CCDC57: variants seen among roughly 807,000 people sequenced by gnomAD.
The protein encoded by CCDC57 is coiled-coil domain containing 57, also known as coiled-coil domain-containing protein 57.
Under a neutral mutation model 118.9 loss-of-function variants are expected in CCDC57, and 118 were observed. The observed-to-expected ratio is 0.99, with a 90% CI of 0.86 to 1.16. The LOEUF is 1.16. CCDC57 is among the 50% of genes most tolerant of loss of function. The probability of loss-of-function intolerance (pLI) is 0.00; values close to 1 mark genes in which losing one functional copy is unlikely to be tolerated. For missense variants in CCDC57, 1,300 were observed against 1,320.7 expected (o/e 0.98, Z 0.24); for synonymous variants, 527 against 532.9 (o/e 0.99, Z 0.15).
chr17:82,116,782 C>T (rs577527660), intron 19 of CCDC57, among the ~76,000 whole-genome samples: 4 of 152,164 alleles, frequency 2.6e-5, no homozygotes, highest in Non-Finnish European at 5.9e-5. Context: ...AACAAATACT[C>T]GAGGAAAACA....
chr17:82,126,957 A>C, intron 19 of CCDC57: 1 of 985,296 alleles, frequency 1.0e-6, no homozygotes, highest in Non-Finnish European at 1.2e-6. Flanking sequence ...CCCCAACCAC[A>C]TCACACGTCC....
chr17:82,195,746 A>C (rs1454856551), intron 4 of CCDC57, among the ~76,000 whole-genome samples: 1 of 152,214 alleles, frequency 6.6e-6, no homozygotes, highest in African/African-American at 2.4e-5. Flanking sequence ...TGAAACTGAC[A>C]AGCACGTAAG....
chr17:82,135,418 A>C (rs1390816869), intron 16 of CCDC57: 1 of 147,184 alleles, frequency 6.8e-6, no homozygotes, highest in Non-Finnish European at 1.5e-5. Context: ...AAAAATTTTA[A>C]AGCTTTTTTA....
intron 19 of CCDC57, among the ~76,000 whole-genome samples, chr17:82,116,690 G>A (rs1314213853): frequency 1.3e-5 from 2 of 152,228 alleles, no homozygotes; most frequent in Non-Finnish European, 2.9e-5. Context: ...ACAATGGGAT[G>A]GTAGTAGCTG....
chr17:82,111,526 G>A (rs1343830839), intron 19 of CCDC57, among the ~76,000 whole-genome samples: 1 of 151,942 alleles, frequency 6.6e-6, no homozygotes, highest in African/African-American at 2.4e-5. Flanking sequence ...CCACAGACAT[G>A]TGCCACCACA....
At chr17:82,189,572 G>A (rs1439705561) in intron 7 of CCDC57, among the ~76,000 whole-genome samples, 3 of 151,908 alleles carry the variant, frequency 2.0e-5, no homozygotes, top group Admixed American at 6.6e-5. Flanking sequence ...ATTCCTGGCT[G>A]GGCGCAGTGG....
At chr17:82,186,040 G>T (rs1262511084) in intron 8 of CCDC57, among the ~76,000 whole-genome samples, 4 of 151,774 alleles carry the variant, frequency 2.6e-5, no homozygotes, top group South Asian at 4.2e-4. Context: ...TTGTTTCGTT[G>T]CCCAGGCTCA....
chr17:82,194,093 G>T (rs752184456), exon 6 of CCDC57: 2 of 1,613,912 alleles, frequency 1.2e-6, no homozygotes, highest in Non-Finnish European at 1.7e-6. Flanking sequence ...TGCAGCCTTT[G>T]CCCCGGCTTC....
chr17:82,116,858 C>T (rs754615178), intron 19 of CCDC57, among the ~76,000 whole-genome samples: 7 of 152,154 alleles, frequency 4.6e-5, no homozygotes, highest in Non-Finnish European at 8.8e-5. Flanking sequence ...GGTCTCCAGT[C>T]TAGGTCCCCC....
At position 82,124,753 on chromosome 17, in the gene CCDC57, C is replaced by G. The variant is rs575101152; in HGVS notation, c.2899+2939G>C. The stretch of plus-strand genomic sequence containing the variant: ...CAAGGCTGCAGTGAGCTGAGATTGC[C>G]GCACTGCACTCCAGCCTCGGTGACA... On this transcript the variant is annotated intron_variant, in intron 19 of 19. Coordinates refer to ENST00000665763, the Ensembl canonical transcript of CCDC57. 1.3e-4 allele frequency among the ~76,000 whole-genome samples: 20 copies of G among 151,866 alleles called. No individual in the cohort carries two copies. The South Asian group carries it at 3.3e-3, about 25-fold the overall frequency.
At chr17:82,150,731 A>G (rs1168535756) in intron 16 of CCDC57, among the ~76,000 whole-genome samples, 7 of 63,410 alleles carry the variant, frequency 1.1e-4, no homozygotes, top group African/African-American at 1.9e-4. Flanking sequence ...AGAACCTGGC[A>G]CACACCCAGA....
intron 3 of CCDC57, among the ~76,000 whole-genome samples, chr17:82,201,214 T>A (rs1033399383): frequency 6.8e-6 from 1 of 147,358 alleles, no homozygotes; most frequent in African/African-American, 2.7e-5. Context: ...CATTATAAAT[T>A]CAAATATGTA....
At chr17:82,128,397 G>A (rs1343143924) in intron 18 of CCDC57, 96 bp downstream of exon 17, 6 of 784,028 alleles carry the variant, frequency 7.7e-6, no homozygotes, top group African/African-American at 3.5e-5. Context: ...CATGCAGAGC[G>A]AAGGCCCCTC....
Position 82,102,595 on chromosome 17 carries a change from T to C in CCDC57, c.2900-729A>G, listed in dbSNP as rs980305216. On this transcript the variant is annotated intron_variant, in intron 19 of 19. Coordinates refer to ENST00000665763, the Ensembl canonical transcript of CCDC57. Reference sequence around the variant, plus strand: ...ACAGCAAAATGTTACTAAAAATCCATGCAAGGGCTGGGCTTGGTGGCTCAC... The same window carrying C: ...ACAGCAAAATGTTACTAAAAATCCACGCAAGGGCTGGGCTTGGTGGCTCAC... Among the ~76,000 whole-genome samples the C allele has an allele frequency of 2.0e-5, 3 of 152,258 alleles. No individual in the cohort carries two copies. In the East Asian group the frequency reaches 5.8e-4, roughly 29 times the overall value.
At chr17:82,131,628 TG>T (rs1355593368) in intron 17 of CCDC57, among the ~76,000 whole-genome samples, 1 of 151,990 alleles carries the variant, frequency 6.6e-6, no homozygotes, top group Non-Finnish European at 1.5e-5. Context: ...GGTGCATGCC[TG>T]TAGTCCCAGC....
intron 8 of CCDC57, among the ~76,000 whole-genome samples, chr17:82,186,032 G>A (rs957459609): frequency 6.6e-6 from 1 of 152,002 alleles, no homozygotes; most frequent in Admixed American, 6.6e-5. Context: ...ATAGGGTCTT[G>A]TTTCGTTGCC....
At chr17:82,180,617 AG>A (rs1299656352) in intron 9 of CCDC57, among the ~76,000 whole-genome samples, 10 of 152,158 alleles carry the variant, frequency 6.6e-5, no homozygotes, top group African/African-American at 2.4e-4. Context: ...CTGGGACTAC[AG>A]GTGCATACCA....
chr17:82,143,490 A>ACACACACCCCACACGTG (rs1047261982), intron 16 of CCDC57, among the ~76,000 whole-genome samples: 1 of 133,188 alleles, frequency 7.5e-6, no homozygotes, highest in Non-Finnish European at 1.6e-5. Context: ...ACAGGCACAC[A>ACACACACCCCACACGTG]CACACACCCC....
intron 9 of CCDC57, among the ~76,000 whole-genome samples, chr17:82,180,973 A>T (rs2046140232): frequency 6.6e-6 from 1 of 152,160 alleles, no homozygotes; most frequent in Non-Finnish European, 1.5e-5. Flanking sequence ...TCCTCGCGAG[A>T]TGGGCCCACT....
Sources: allele counts gnomAD v4.1 joint callset (sites outside exome capture counted in the v4.1 genomes callset), GRCh38; gene constraint gnomAD v4.1.1; transcripts MANE v1.5; gene names NCBI Gene and HGNC (gene_info 2026-07-23, HGNC 2026-07-21).